The following MYBPC3 variants were observed in gnomAD, a reference collection of about 807,000 sequenced individuals.
The protein encoded by MYBPC3 is myosin binding protein C3.
A neutral mutation model predicts 159.3 loss-of-function variants in MYBPC3; 108 were observed. The ratio of observed to expected loss-of-function variants is 0.68; its 90% CI spans 0.58 to 0.80. The LOEUF (loss-of-function observed/expected upper bound fraction) is 0.80. Among genes scored for constraint, MYBPC3 ranks in the 30% least tolerant of loss-of-function variants. The pLI is 0.00. For missense variants in MYBPC3, 1,631 were observed against 1,762.1 expected, an observed-to-expected ratio of 0.93 and a Z score of 1.33; for synonymous variants, 730 against 702.0, an observed-to-expected ratio of 1.04 and a Z score of -0.63.
chr11:47,341,319 TC>T, intron 18 of MYBPC3, 75 bp from the exon 19 acceptor site: 4 of 1,186,884 alleles, frequency 3.4e-6, no homozygotes, highest in Non-Finnish European at 3.6e-6. Flanking sequence ...CCAGCCAGGG[TC>T]CCAGGAGGCC....
At chr11:47,344,655 T>A (rs1274728699) in intron 12 of MYBPC3, among the ~76,000 whole-genome samples, 2 of 152,204 alleles carry the variant, frequency 1.3e-5, no homozygotes, top group African/African-American at 4.8e-5. Context: ...TCTGTGACCT[T>A]GCGCTAGTTC....
rs1224529304 is a variant in MYBPC3, at chr11:47,347,679, T to A, written c.823A>T (p.Ser275Cys). 5 of 1,572,808 alleles carry A rather than the reference T, an allele frequency of 3.2e-6. No individual in the cohort carries two copies. The highest frequency in any genetic ancestry group is 4.3e-6 in the Non-Finnish European group (5 of 1,159,358). ...LDLLSAFRRT[S>C]LAGGGRRISD... ...ATCCGCCGACCACCTCCAGCCAGGC[T>A]CCTGTGGGGGTTAGACTCAGTATCC... Residue 275 changes from serine to cysteine, a missense_variant and splice_region_variant, in exon 8 of 35, where the codon AGC (serine) becomes TGC (cysteine). Physicochemically the swap from Ser to Cys is moderately radical, Grantham distance 112 (BLOSUM62 -1). Transcript: ENST00000545968.
At chr11:47,343,718 C>G (rs879732708) in intron 12 of MYBPC3, 94 bp from the exon 13 acceptor site, 483 of 1,260,364 alleles carry the variant, frequency 3.8e-4, no homozygotes, top group Non-Finnish European at 4.8e-4. Context: ...CCAGGTCCCC[C>G]CCTCCAATCC....
At chr11:47,348,103 C>T (rs1018272880) in intron 6 of MYBPC3, among the ~76,000 whole-genome samples, 198 bp from the exon 7 acceptor site, 9 of 152,152 alleles carry the variant, frequency 5.9e-5, no homozygotes, top group African/African-American at 2.2e-4. Flanking sequence ...GTTTATTGTC[C>T]CCAATTCCCA....
chr11:47,344,865 A>G (rs1044412418), intron 12 of MYBPC3, among the ~76,000 whole-genome samples: 10 of 152,208 alleles, frequency 6.6e-5, no homozygotes, highest in African/African-American at 2.4e-4. Flanking sequence ...ATCCTGACTC[A>G]CTGCAACCTC....
intron 5 of MYBPC3, among the ~76,000 whole-genome samples, chr11:47,349,091 C>T (rs1478619297): frequency 6.6e-6 from 1 of 151,268 alleles, no homozygotes; most frequent in African/African-American, 2.4e-5. Flanking sequence ...GTGCAATGCA[C>T]AGCCCCGCAC....
rs1595841032 is a variant in MYBPC3 at position 47,332,599 on chromosome 11, A to G, written c.3594T>C (p.Ala1198=). 2 of 1,613,906 alleles carry G rather than the reference A, an allele frequency of 1.2e-6. No individual in the cohort carries two copies. The highest frequency in any genetic ancestry group is 1.7e-6 in the Non-Finnish European group (2 of 1,179,874). Reference sequence around the variant, plus strand: ...TACCCCGGACAGCACAGCAGAGCATAGCAGTGTAGCCCGCGATGACCGAGC... The same window carrying G: ...TACCCCGGACAGCACAGCAGAGCATGGCAGTGTAGCCCGCGATGACCGAGC... ...VNRSVIAGYT[A]MLCCAVRGSP... Residue 1198 remains alanine (A), a synonymous_variant, in exon 32 of 35, where the codon GCT becomes GCC. Transcript: ENST00000545968. This position sits in a 1 kb window ranked among gnomAD's most constrained non-coding sequence, Gnocchi z 4.2.
At position 47,346,763 on chromosome 11, in the gene MYBPC3, G is replaced by A; in HGVS notation, c.909-119C>T. On this transcript the variant is annotated intron_variant, in intron 10 of 34. Transcript: ENST00000545968. This position sits in a 1 kb window ranked among gnomAD's most constrained non-coding sequence, Gnocchi z 5.3. ...TACTTCCTCCCTATTTTCCGCACTT[G>A]CACTCCCTGTGTTGTGGGGCACCCA... 10 of 1,124,348 alleles carry A rather than the reference G, an allele frequency of 8.9e-6. No homozygotes were observed. The South Asian group carries it at 1.4e-4, about 16-fold the overall frequency. 69.6% of individuals were successfully genotyped at this position (1,124,348 alleles called of 1,614,324 possible).
In MYBPC3 at chr11:47,339,407, G is replaced by T; in HGVS notation, c.2068-3C>A. On this transcript the variant is annotated splice_region_variant and splice_polypyrimidine_tract_variant and intron_variant, in intron 21 of 34. Transcript: ENST00000545968. Reference sequence around the variant, plus strand: ...GGCCTGGCTGGGGCCTTATTCCCCTGGGAACAGGGCAGGAGGGAAGTAGGG... The same window carrying T: ...GGCCTGGCTGGGGCCTTATTCCCCTTGGAACAGGGCAGGAGGGAAGTAGGG... 6.2e-7 allele frequency: 1 copy of T among 1,613,914 alleles called. No homozygotes were observed. The highest frequency in any genetic ancestry group is 8.5e-7 in the Non-Finnish European group (1 of 1,179,802).
chr11:47,350,705 C>T, intron 2 of MYBPC3, 90 bp from the exon 3 acceptor site: 1 of 1,388,632 alleles, frequency 7.2e-7, no homozygotes, highest in Non-Finnish European at 9.3e-7. Context: ...CATGAGCCCG[C>T]TGTGGATGAG....
chr11:47,350,407 T>C lies in MYBPC3; in HGVS notation c.406+95A>G, dbSNP rs1258843001. On this transcript the variant is annotated intron_variant, in intron 3 of 34. Coordinates refer to ENST00000545968, the MANE Select transcript of MYBPC3 (RefSeq NM_000256.3). ...CCCAAAGTACTGGGGATTATAGGCC[T>C]GAGCCACCGCACCTGGCCCAGCAAA... The C allele has an allele frequency of 4.0e-6, 6 of 1,515,846 alleles. No individual in the cohort carries two copies. The Admixed American group carries it at 1.3e-4, about 32-fold the overall frequency. 93.9% of individuals were successfully genotyped at this position (1,515,846 alleles called of 1,614,324 possible). A position where few individuals can be genotyped will look rare whatever the true frequency, so the allele number is the denominator to read the frequency against.
chr11:47,347,070 G>T (rs2095895062), intron 9 of MYBPC3, 41 bp from the exon 10 acceptor site: 1 of 860,072 alleles, frequency 1.2e-6, no homozygotes, highest in African/African-American at 1.6e-5. Flanking sequence ...GGGGCCGGGG[G>T]AGAGGGAGAG....
Position 47,345,492 on chromosome 11 carries a change from C to CA in MYBPC3, c.1090+714dup, listed in dbSNP as rs569610210. Among the ~76,000 whole-genome samples, 3 of 152,254 alleles carry CA rather than the reference C, an allele frequency of 2.0e-5. No homozygotes were observed. The East Asian group carries it at 5.8e-4, about 29-fold the overall frequency. On this transcript the variant is annotated intron_variant, in intron 12 of 34. Coordinates refer to ENST00000545968, the MANE Select transcript of MYBPC3 (RefSeq NM_000256.3). ...GGAGGGGCTTGTCTCCCATATCCTGCATGGAAGCTGACCCCTCCATTCAGT... is the reference window on the plus strand; with the variant it reads ...GGAGGGGCTTGTCTCCCATATCCTGCAATGGAAGCTGACCCCTCCATTCAGT...
chr11:47,341,200 G>T lies in MYBPC3; in HGVS notation c.1835C>A (p.Ala612Asp). The change falls in exon 19 of 35, where the codon GCT becomes GAT. Residue 612 changes from alanine to aspartate, a missense_variant. Coordinates refer to ENST00000545968, the MANE Select transcript of MYBPC3 (RefSeq NM_000256.3). ...TIDDVTPADE[A>D]DYSFVPEGFA... Reference sequence around the variant, plus strand: ...GCCCTCGGGCACAAAGCTGTAGTCAGCCTCGTCGGCAGGTGTGACGTCGTC... The same window carrying T: ...GCCCTCGGGCACAAAGCTGTAGTCATCCTCGTCGGCAGGTGTGACGTCGTC... 1.9e-6 allele frequency: 3 copies of T among 1,594,906 alleles called. No homozygotes were observed. The highest frequency in any genetic ancestry group is 1.3e-5 in the African/African-American group (1 of 74,450).
intron 13 of MYBPC3, 81 bp from the exon 14 acceptor site, chr11:47,343,343 G>A (rs2095891051): frequency 4.7e-6 from 7 of 1,496,452 alleles, no homozygotes; most frequent in African/African-American, 1.4e-5. Flanking sequence ...GAGAGGGACC[G>A]GCAGGAGCAA....
At position 47,346,544 on chromosome 11, in the gene MYBPC3, G is replaced by C. The variant is rs2095894345; in HGVS notation, c.926+83C>G. 6.7e-7 allele frequency: 1 copy of C among 1,503,224 alleles called. No individual in the cohort carries two copies. The highest frequency in any genetic ancestry group is 1.3e-5 in the South Asian group (1 of 76,136). The allele number at this position is 1,503,224 out of a possible 1,614,324, so 93.1% of individuals were successfully genotyped here. A position where few individuals can be genotyped will look rare whatever the true frequency, so the allele number is the denominator to read the frequency against. On this transcript the variant is annotated intron_variant, in intron 11 of 34. Coordinates refer to ENST00000545968, the MANE Select transcript of MYBPC3 (RefSeq NM_000256.3). The surrounding 1 kb of genome is among the most constrained non-coding windows in gnomAD (Gnocchi z 5.3). ...GGCCAGGCAGGACTGGGGGCCAAGG[G>C]AGCTGAAGAGGGGCTGGGGATCTGG...
rs1479309149 is a variant in MYBPC3, at chr11:47,332,603, G to C, written c.3590C>G (p.Thr1197Ser). 6.2e-7 allele frequency: 1 copy of C among 1,613,804 alleles called. No homozygotes were observed. Among genetic ancestry groups the C allele is most frequent in the Admixed American group, 1.7e-5 (1 of 60,002 alleles). Residue 1197 changes from threonine (T) to serine (S), a missense_variant, in exon 32 of 35, where the codon ACT (threonine) becomes AGT (serine). By Grantham distance (58) the Thr-to-Ser change is moderately conservative. Coordinates refer to ENST00000545968, the MANE Select transcript of MYBPC3 (RefSeq NM_000256.3). This position sits in a 1 kb window ranked among gnomAD's most constrained non-coding sequence, Gnocchi z 4.2. ...LVNRSVIAGY[T>S]AMLCCAVRGS... is the part of the protein sequence containing the mutation. ...CCGGACAGCACAGCAGAGCATAGCA[G>C]TGTAGCCCGCGATGACCGAGCGGTT...
chr11:47,335,934 C>T lies in MYBPC3; in HGVS notation c.2680G>A (p.Glu894Lys). The T allele has an allele frequency of 6.4e-7, 1 of 1,559,990 alleles. No individual in the cohort carries two copies. The highest frequency in any genetic ancestry group is 8.7e-7 in the Non-Finnish European group (1 of 1,153,306). Residue 894 changes from glutamate to lysine, a missense_variant, in exon 26 of 35, where the codon GAG (glutamate) becomes AAG (lysine). By Grantham distance (56) the Glu-to-Lys change is moderately conservative. Coordinates refer to ENST00000545968, the MANE Select transcript of MYBPC3 (RefSeq NM_000256.3). ...TTVSLKWRPP[E>K]RVGAGGLDGY... ...TCCAGGCCTCCTGCTCCCACGCGCT[C>T]TGGGGGCCGCCACTTGAGGGAGACC...
Position 47,332,645 on chromosome 11 carries a change from A to C in MYBPC3, c.3548T>G (p.Phe1183Cys), listed in dbSNP as rs397516024. 6.2e-7 allele frequency: 1 copy of C among 1,613,662 alleles called. No individual in the cohort carries two copies. The highest frequency in any genetic ancestry group is 1.1e-5 in the South Asian group (1 of 91,082). Residue 1183 changes from phenylalanine to cysteine, a missense_variant, in exon 32 of 35, where the codon TTC becomes TGC. By Grantham distance (205) the Phe-to-Cys change is radical. Transcript: ENST00000545968. This position sits in a 1 kb window ranked among gnomAD's most constrained non-coding sequence, Gnocchi z 4.2. ...CGAGCGGTTCACCAGGGGCTGGGTG[A>C]AGCTTGGGGCCTCGGAGAAGTCCAG... ...KALDFSEAPS[F>C]TQPLVNRSVI...
Sources: gnomAD v4.1 joint callset for allele counts (sites outside exome capture counted in the v4.1 genomes callset) on GRCh38, gnomAD v4.1.1 for gene constraint, Gnocchi (gnomAD v3.1) non-coding constraint, MANE v1.5 for transcripts, NCBI Gene and HGNC (gene_info 2026-07-23, HGNC 2026-07-21) for gene names.